L3MBTL4: variants seen among roughly 807,000 people sequenced by gnomAD.
L3MBTL4 encodes the protein L3MBTL histone methyl-lysine binding protein 4, also known as lethal(3)malignant brain tumor-like protein 4.
Under a neutral mutation model 84.5 loss-of-function variants are expected in L3MBTL4, and 70 were observed. That is an observed-to-expected ratio of 0.83 (90% CI 0.68 to 1.01). The LOEUF is 1.01. Ranked by LOEUF, L3MBTL4 falls within the 50% of genes least tolerant of loss-of-function variation. The probability of loss-of-function intolerance (pLI) is 0.00; values close to 1 mark genes in which losing one functional copy is unlikely to be tolerated. For synonymous variants in L3MBTL4, 274 were observed against 259.8 expected, an observed-to-expected ratio of 1.05 and a Z score of -0.52; for missense variants, 715 against 754.8, an observed-to-expected ratio of 0.95 and a Z score of 0.62.
intron 1 of L3MBTL4, among the ~76,000 whole-genome samples, chr18:6,413,226 A>AGCTGAACATT (rs1202478149): frequency 6.6e-6 from 1 of 152,222 alleles, no homozygotes; most frequent in African/African-American, 2.4e-5. Flanking sequence ...AGGTTAACCA[A>AGCTGAACATT]GCTGAACATT....
chr18:6,137,636 T>C (rs568979355), intron 14 of L3MBTL4, among the ~76,000 whole-genome samples: 6 of 152,346 alleles, frequency 3.9e-5, no homozygotes, highest in Admixed American at 1.3e-4. Flanking sequence ...TATTTACCAA[T>C]TGATGAGGAT....
chr18:6,112,226 A>G (rs1403419747), intron 14 of L3MBTL4, among the ~76,000 whole-genome samples: 1 of 152,200 alleles, frequency 6.6e-6, no homozygotes, highest in Non-Finnish European at 1.5e-5. Context: ...GTCACTGTCA[A>G]GACAGTCCTG....
intron 15 of L3MBTL4, 117 bp from the exon 16 acceptor site, chr18:6,081,068 T>C (rs1246645090): frequency 1.5e-6 from 1 of 674,038 alleles, no homozygotes; most frequent in Non-Finnish European, 2.4e-6. Flanking sequence ...AATTGGCAGG[T>C]ATTTTGCTGC....
intron 12 of L3MBTL4, among the ~76,000 whole-genome samples, chr18:6,192,014 AAAAG>A (rs199763832): frequency 0.05 from 7,488 of 150,356 alleles, 630 homozygotes; most frequent in African/African-American, 0.18. Context: ...CTCAAAAAAA[AAAAG>A]AAAGAAAGAA....
At chr18:6,175,927 A>T (rs901577296) in intron 12 of L3MBTL4, among the ~76,000 whole-genome samples, 29 of 152,240 alleles carry the variant, frequency 1.9e-4, no homozygotes, top group Non-Finnish European at 2.8e-4. Flanking sequence ...AAAAAAATTT[A>T]AAAAATATTA....
chr18:6,323,201 C>T (rs950399699), intron 1 of L3MBTL4, among the ~76,000 whole-genome samples: 6 of 152,092 alleles, frequency 3.9e-5, no homozygotes, highest in Non-Finnish European at 7.4e-5. Context: ...AATAAATTAC[C>T]CAGTCTCAGG....
intron 1 of L3MBTL4, among the ~76,000 whole-genome samples, chr18:6,330,972 G>C (rs995408851): frequency 6.6e-6 from 1 of 152,146 alleles, no homozygotes; most frequent in South Asian, 2.1e-4. Context: ...GTGACTTCTG[G>C]TCAAGAGGTC....
intron 10 of L3MBTL4, among the ~76,000 whole-genome samples, chr18:6,224,251 A>C (rs1011440696): frequency 2.6e-5 from 4 of 152,238 alleles, no homozygotes; most frequent in Non-Finnish European, 4.4e-5. Context: ...TGACTTAACA[A>C]AACTTTACAA....
rs1168268945 is a variant in L3MBTL4 at position 6,203,535 on chromosome 18, G to A, written c.981+9614C>T. Among the ~76,000 whole-genome samples the A allele has an allele frequency of 3.3e-5, 5 of 152,252 alleles. No individual in the cohort carries two copies. The East Asian group carries it at 9.7e-4, about 30-fold the overall frequency. On this transcript the variant is annotated intron_variant, in intron 12 of 18. Transcript: ENST00000317931. ...GAGCCTGATGTCTGCTGAATTCAGA[G>A]CCAAAAGAAGCCACTCATACCTGAC...
intron 14 of L3MBTL4, among the ~76,000 whole-genome samples, chr18:6,131,080 A>C (rs1488696767): frequency 6.6e-6 from 1 of 152,198 alleles, no homozygotes; most frequent in Non-Finnish European, 1.5e-5. Context: ...TTTTGATGTC[A>C]TCGTTCTCTT....
At chr18:6,129,860 T>G (rs2059820432) in intron 14 of L3MBTL4, among the ~76,000 whole-genome samples, 1 of 152,222 alleles carries the variant, frequency 6.6e-6, no homozygotes, top group Non-Finnish European at 1.5e-5. Flanking sequence ...TGTTTTCAAC[T>G]TGATGTATAT....
intron 16 of L3MBTL4, among the ~76,000 whole-genome samples, chr18:5,987,098 C>T (rs1395736373): frequency 6.6e-6 from 1 of 152,216 alleles, no homozygotes; most frequent in Non-Finnish European, 1.5e-5. Context: ...GCCCCAGCCT[C>T]AGGCGACCAA....
chr18:6,070,508 TACTC>T (rs1191072658), intron 16 of L3MBTL4, among the ~76,000 whole-genome samples: 2 of 144,456 alleles, frequency 1.4e-5, no homozygotes, highest in Admixed American at 6.7e-5. Context: ...AAGAAAAACT[TACTC>T]AAAAAAAAAA....
At chr18:6,320,527 T>C (rs2051349489) in intron 1 of L3MBTL4, among the ~76,000 whole-genome samples, 1 of 151,822 alleles carries the variant, frequency 6.6e-6, no homozygotes, top group Non-Finnish European at 1.5e-5. Flanking sequence ...TTATAATAGC[T>C]GCATGCAACC....
At chr18:6,347,549 CAT>C (rs1013338897) in intron 1 of L3MBTL4, among the ~76,000 whole-genome samples, 4 of 150,854 alleles carry the variant, frequency 2.7e-5, no homozygotes, top group Non-Finnish European at 5.9e-5. Context: ...TTAATTAAAA[CAT>C]GGGAGGAAAA....
intron 9 of L3MBTL4, among the ~76,000 whole-genome samples, chr18:6,238,508 G>C (rs1042913551): frequency 6.6e-6 from 1 of 152,094 alleles, no homozygotes; most frequent in Non-Finnish European, 1.5e-5. Context: ...ACTCCAGCCT[G>C]GGCAACAGAG....
At chr18:6,111,526 G>T (rs973482059) in intron 14 of L3MBTL4, among the ~76,000 whole-genome samples, 8 of 152,112 alleles carry the variant, frequency 5.3e-5, no homozygotes, top group Non-Finnish European at 1.0e-4. Flanking sequence ...ATGGCACATG[G>T]CCTTTCCTTG....
intron 10 of L3MBTL4, among the ~76,000 whole-genome samples, chr18:6,221,716 C>A (rs1382919855): frequency 1.3e-5 from 2 of 152,276 alleles, no homozygotes; most frequent in African/African-American, 2.4e-5. Flanking sequence ...AGTACCAGTG[C>A]GGCCCTGGCT....
intron 1 of L3MBTL4, among the ~76,000 whole-genome samples, chr18:6,412,023 G>A (rs146783214): frequency 3.3e-5 from 5 of 152,180 alleles, no homozygotes; most frequent in African/African-American, 7.2e-5. Context: ...GTTAGGGTAC[G>A]TGTGCAGGTT....
Sources: gnomAD v4.1 joint callset for allele counts (sites outside exome capture counted in the v4.1 genomes callset) on GRCh38, gnomAD v4.1.1 for gene constraint, MANE v1.5 for transcripts, NCBI Gene and HGNC (gene_info 2026-07-23, HGNC 2026-07-21) for gene names.